UGT2A2: variants seen among roughly 807,000 people sequenced by gnomAD.
The protein encoded by UGT2A2 is UDP glucuronosyltransferase family 2 member A2, also known as UDP-glucuronosyltransferase 2A2.
A neutral mutation model predicts 50.7 loss-of-function variants in UGT2A2; 60 were observed. The observed-to-expected ratio is 1.18, with a 90% CI of 0.96 to 1.47. The LOEUF is 1.47. Ranked by LOEUF, UGT2A2 falls within the 40% of genes most tolerant of loss-of-function variation. The pLI, the probability that UGT2A2 is intolerant of heterozygous loss-of-function variation, is 0.00. For missense variants in UGT2A2, 762 were observed against 634.0 expected (o/e 1.20, Z -2.17); for synonymous variants, 242 against 214.6 (o/e 1.13, Z -1.11).
At position 69,588,580 on chromosome 4, in the gene UGT2A2, A is replaced by G. The variant is rs946125683; in HGVS notation, c.*792T>C. 8 of 152,066 alleles carry G rather than the reference A, an allele frequency of 5.3e-5. No homozygotes were observed. Among genetic ancestry groups the G allele is most frequent in the Non-Finnish European group, 1.2e-4 (8 of 67,994 alleles). 9.4% of individuals were successfully genotyped at this position (152,066 alleles called of 1,614,324 possible). ...TAAAAATTTTATAAAAATGATAATT[A>G]TTTTCTAGATTTCTAATTGTTATAT... is the stretch of plus-strand genomic sequence containing the variant. On this transcript the variant is annotated 3_prime_UTR_variant, in exon 6 of 6. Transcript: ENST00000604629.
intron 2 of UGT2A2, 32 bp downstream of exon 2, chr4:69,599,214 G>A (rs1719109701): frequency 1.3e-6 from 2 of 1,576,686 alleles, no homozygotes; most frequent in East Asian, 2.3e-5. Context: ...TTATTATGAA[G>A]AGCATAAAAT....
chr4:69,601,166 A>G (rs2109894491), intron 1 of UGT2A2, among the ~76,000 whole-genome samples: 1 of 152,192 alleles, frequency 6.6e-6, no homozygotes, highest in South Asian at 2.1e-4. Flanking sequence ...CCCCATGTGG[A>G]TTCTTCTGTG....
At chr4:69,593,274 ACT>A (rs1228829829) in intron 5 of UGT2A2, among the ~76,000 whole-genome samples, 1 of 151,966 alleles carries the variant, frequency 6.6e-6, no homozygotes, top group African/African-American at 2.4e-5. Flanking sequence ...AACGGTGAAC[ACT>A]GAGTCCCTTA....
chr4:69,599,342 G>A lies in UGT2A2; in HGVS notation c.795C>T (p.Ile265=), dbSNP rs201473006. The change falls in exon 2 of 6, where the codon ATC becomes ATT. Residue 265 remains isoleucine (I), a synonymous_variant. Transcript: ENST00000604629. ...ETMGKAEIWL[I]RTYWDFEFPR... is the part of the protein sequence containing the mutation. ...GAAATTCAAAATCCCAATATGTTCG[G>A]ATTAACCAAATTTCAGCTTTCCCCA... 1.7e-4 allele frequency: 280 copies of A among 1,613,736 alleles called. No homozygotes were observed. The East Asian group carries it at 6.2e-3, about 36-fold the overall frequency.
chr4:69,609,052 G>T (rs1897441), intron 1 of UGT2A2, among the ~76,000 whole-genome samples: 1 of 151,558 alleles, frequency 6.6e-6, no homozygotes, highest in African/African-American at 2.4e-5. Flanking sequence ...TAAAATCTAC[G>T]ATTCATTATC....
intron 5 of UGT2A2, among the ~76,000 whole-genome samples, chr4:69,590,786 T>C (rs1718553452): frequency 1.3e-5 from 2 of 152,172 alleles, no homozygotes; most frequent in African/African-American, 4.8e-5. Context: ...AGAAAGCATG[T>C]TTTCCTATAA....
intron 5 of UGT2A2, among the ~76,000 whole-genome samples, chr4:69,591,980 TA>T (rs1239596563): frequency 6.6e-6 from 1 of 152,138 alleles, no homozygotes; most frequent in Non-Finnish European, 1.5e-5. Flanking sequence ...TACGTATTAA[TA>T]AAAGTCAATT....
chr4:69,624,332 C>T (rs1012593939), intron 1 of UGT2A2, among the ~76,000 whole-genome samples: 2 of 151,296 alleles, frequency 1.3e-5, no homozygotes, highest in Admixed American at 1.3e-4. Flanking sequence ...GGTATATTCT[C>T]ATTTTATTTT....
Position 69,588,448 on chromosome 4 carries a change from G to A in UGT2A2, c.*924C>T, listed in dbSNP as rs1181379324. ...TCCAAGTAAGCATTTTTTATTTTTTGGCATAAAATTAAACTTTTGATTACA... is the reference window on the plus strand; with the variant it reads ...TCCAAGTAAGCATTTTTTATTTTTTAGCATAAAATTAAACTTTTGATTACA... On this transcript the variant is annotated 3_prime_UTR_variant, in exon 6 of 6. Coordinates refer to ENST00000604629, the MANE Select transcript of UGT2A2 (RefSeq NM_001105677.2). 6.6e-6 allele frequency: 1 copy of A among 151,492 alleles called. No homozygotes were observed. Among genetic ancestry groups the A allele is most frequent in the Non-Finnish European group, 1.5e-5 (1 of 67,866 alleles). The allele number at this position is 151,492 out of a possible 1,614,324, so 9.4% of individuals were successfully genotyped here.
chr4:69,594,788 C>G lies in UGT2A2; in HGVS notation c.1112-92G>C, dbSNP rs909138039. 11 of 1,420,542 alleles carry G rather than the reference C, an allele frequency of 7.7e-6. No homozygotes were observed. The Admixed American group carries it at 2.3e-4, about 29-fold the overall frequency. 88.0% of individuals were successfully genotyped at this position (1,420,542 alleles called of 1,614,324 possible). Reference sequence around the variant, plus strand: ...AAGGGGTCAAAAAGCTGTAATGTAACTCTCTAAAGAAGGATACGTTTTCTA... The same window carrying G: ...AAGGGGTCAAAAAGCTGTAATGTAAGTCTCTAAAGAAGGATACGTTTTCTA... On this transcript the variant is annotated intron_variant, in intron 4 of 5. Transcript: ENST00000604629.
chr4:69,622,271 GTAA>G (rs139230337), intron 1 of UGT2A2, among the ~76,000 whole-genome samples: 6,476 of 151,682 alleles, frequency 0.043, 181 homozygotes, highest in South Asian at 0.071. Context: ...ACATAACAAA[GTAA>G]TAATATAATG....
At chr4:69,618,152 A>ATATTATTC (rs1245812982) in intron 1 of UGT2A2, among the ~76,000 whole-genome samples, 53 of 151,570 alleles carry the variant, frequency 3.5e-4, no homozygotes, top group African/African-American at 1.3e-3. Context: ...ATTCTATGAG[A>ATATTATTC]AAATATTATT....
intron 1 of UGT2A2, among the ~76,000 whole-genome samples, chr4:69,611,447 A>G (rs1332288139): frequency 2.0e-5 from 3 of 147,958 alleles, no homozygotes; most frequent in Admixed American, 1.4e-4. Flanking sequence ...AAATGATAAG[A>G]AAAAAAAACT....
intron 1 of UGT2A2, among the ~76,000 whole-genome samples, chr4:69,629,144 C>G (rs1721249477): frequency 6.6e-6 from 1 of 151,926 alleles, no homozygotes; most frequent in Non-Finnish European, 1.5e-5. Context: ...TTTGCAGATT[C>G]AGTGATATTC....
intron 1 of UGT2A2, among the ~76,000 whole-genome samples, chr4:69,609,226 C>T (rs1424266624): frequency 6.6e-6 from 1 of 151,146 alleles, no homozygotes; most frequent in Non-Finnish European, 1.5e-5. Flanking sequence ...CAACACAGCT[C>T]ACTGCAGCCT....
Position 69,632,539 on chromosome 4 carries a change from C to T in UGT2A2, c.742+6360G>A, listed in dbSNP as rs533202878. Among the ~76,000 whole-genome samples the T allele has an allele frequency of 2.2e-3, 341 of 152,166 alleles. 1 individual carries two copies. The highest frequency in any genetic ancestry group is 3.9e-3 in the Non-Finnish European group (264 of 67,990). On this transcript the variant is annotated intron_variant, in intron 1 of 5. Coordinates refer to ENST00000604629, the MANE Select transcript of UGT2A2 (RefSeq NM_001105677.2). Reference sequence around the variant, plus strand: ...CAACTAAAAACAGGAGGGTGGCAAACTTCTTATGCACGACAATAGTAAATA... The same window carrying T: ...CAACTAAAAACAGGAGGGTGGCAAATTTCTTATGCACGACAATAGTAAATA...
chr4:69,610,394 AC>A (rs1374811225), intron 1 of UGT2A2, among the ~76,000 whole-genome samples: 3 of 152,046 alleles, frequency 2.0e-5, no homozygotes, highest in African/African-American at 7.2e-5. Context: ...TATCTTCTTG[AC>A]TTGTAACTGT....
intron 1 of UGT2A2, among the ~76,000 whole-genome samples, chr4:69,603,212 G>A (rs1719399858): frequency 7.4e-6 from 1 of 135,582 alleles, no homozygotes; most frequent in South Asian, 2.4e-4. Context: ...AATAATCAAG[G>A]AACTCCAGAT....
chr4:69,589,377 C>T lies in UGT2A2; in HGVS notation c.1606G>A (p.Glu536Lys). The T allele has an allele frequency of 1.9e-6, 3 of 1,610,188 alleles. No individual in the cohort carries two copies. Among genetic ancestry groups the T allele is most frequent in the South Asian group, 2.2e-5 (2 of 90,668 alleles). ...TATTTCCTCTTTTTCTTGACCTATT[C>T]TCTTTTTTTCTTCTTTCCTATCTTA... ...FGKIGKKKKR[E>K] Residue 536 changes from glutamate to lysine, a missense_variant, in exon 6 of 6, where the codon GAA becomes AAA. Coordinates refer to ENST00000604629, the MANE Select transcript of UGT2A2 (RefSeq NM_001105677.2).
Sources: gnomAD v4.1 joint callset for allele counts (sites outside exome capture counted in the v4.1 genomes callset) on GRCh38, gnomAD v4.1.1 for gene constraint, MANE v1.5 for transcripts, NCBI Gene and HGNC (gene_info 2026-07-23, HGNC 2026-07-21) for gene names.